ANKRD27: variants seen among roughly 807,000 people sequenced by gnomAD.
The protein encoded by ANKRD27 is ankyrin repeat domain 27.
Under a neutral mutation model 129.7 loss-of-function variants are expected in ANKRD27, and 112 were observed. That is an observed-to-expected ratio of 0.86 (90% CI 0.74 to 1.01). The LOEUF is 1.01. Among genes scored for constraint, ANKRD27 ranks in the 50% least tolerant of loss-of-function variants. ANKRD27 has a pLI of 0.00. For synonymous variants in ANKRD27, 516 were observed against 511.2 expected, an observed-to-expected ratio of 1.01 and a Z score of -0.13; for missense variants, 1,258 against 1,300.5, an observed-to-expected ratio of 0.97 and a Z score of 0.50.
intron 22 of ANKRD27, among the ~76,000 whole-genome samples, chr19:32,614,439 C>G (rs1190742928): frequency 6.6e-6 from 1 of 151,996 alleles, no homozygotes; most frequent in Non-Finnish European, 1.5e-5. Flanking sequence ...CGCAGCGGCT[C>G]ACACCTGTAA....
At position 32,644,351 on chromosome 19, in the gene ANKRD27, C is replaced by T. The variant is rs61741421; in HGVS notation, c.499G>A (p.Glu167Lys). The T allele has an allele frequency of 3.7e-6, 6 of 1,613,372 alleles. No individual in the cohort carries two copies. The highest frequency in any genetic ancestry group is 1.3e-5 in the African/African-American group (1 of 74,850). Residue 167 changes from glutamate to lysine, a missense_variant, in exon 5 of 29, where the codon GAG (glutamate) becomes AAG (lysine). Coordinates refer to ENST00000306065, the MANE Select transcript of ANKRD27 (RefSeq NM_032139.3). The stretch of plus-strand genomic sequence containing the variant: ...ATGTGGTGACGGAGGCTCTTTCTCT[C>T]GCATTCTCGGAATGTTCGATGGAAA... ...ASFHRTFREC[E>K]RKSLRHHIDS...
intron 27 of ANKRD27, 76 bp from the exon 28 acceptor site, chr19:32,599,852 C>G: frequency 6.5e-7 from 1 of 1,533,958 alleles, no homozygotes; most frequent in Admixed American, 1.8e-5. Flanking sequence ...AAGGTGGCAG[C>G]ATTTTTGACA....
chr19:32,599,875 G>A (rs1474061936), intron 27 of ANKRD27, 97 bp downstream of exon 27: 1 of 1,513,082 alleles, frequency 6.6e-7, no homozygotes, highest in Non-Finnish European at 9.1e-7. Context: ...AGTAGGTGCA[G>A]ATTTGTCCAT....
chr19:32,643,268 A>C lies in ANKRD27; in HGVS notation c.705+19T>G. On this transcript the variant is annotated intron_variant, in intron 8 of 28. Coordinates refer to ENST00000306065, the MANE Select transcript of ANKRD27 (RefSeq NM_032139.3). Reference sequence around the variant, plus strand: ...CAGAAGAAGGCTTCCATCTTGGGTGATAATAACTGAGAACCTACCTCACTT... The same window carrying C: ...CAGAAGAAGGCTTCCATCTTGGGTGCTAATAACTGAGAACCTACCTCACTT... The C allele has an allele frequency of 6.2e-7, 1 of 1,614,112 alleles. No individual in the cohort carries two copies. The highest frequency in any genetic ancestry group is 8.5e-7 in the Non-Finnish European group (1 of 1,180,016).
intron 4 of ANKRD27, 111 bp downstream of exon 4, chr19:32,646,348 C>T (rs1319387597): frequency 7.3e-6 from 8 of 1,098,640 alleles, no homozygotes; most frequent in Middle Eastern, 5.0e-4. Context: ...GGATTACAGG[C>T]GCGAGCCACC....
chr19:32,671,740 T>G (rs2145332193), intron 1 of ANKRD27, among the ~76,000 whole-genome samples: 1 of 152,304 alleles, frequency 6.6e-6, no homozygotes, highest in East Asian at 1.9e-4. Flanking sequence ...TAAAATAACA[T>G]GCAAAGAAAA....
intron 1 of ANKRD27, among the ~76,000 whole-genome samples, chr19:32,662,972 G>A (rs551402270): frequency 6.6e-6 from 1 of 152,278 alleles, no homozygotes; most frequent in South Asian, 2.1e-4. Flanking sequence ...AACCCAGGAG[G>A]CAGAGGTTGC....
chr19:32,657,838 G>A (rs1967571534), intron 2 of ANKRD27, among the ~76,000 whole-genome samples: 1 of 151,812 alleles, frequency 6.6e-6, no homozygotes, highest in Non-Finnish European at 1.5e-5. Context: ...AGCTGGACGT[G>A]GTTGCACACA....
intron 23 of ANKRD27, among the ~76,000 whole-genome samples, chr19:32,607,144 TAAAAAAAA>T (rs34734065): frequency 1.1e-5 from 1 of 94,360 alleles, no homozygotes; most frequent in East Asian, 3.6e-4. Context: ...GGTGATGTCT[TAAAAAAAA>T]AAAAAAAAAA....
At chr19:32,620,404 C>CA (rs368500402) in intron 18 of ANKRD27, among the ~76,000 whole-genome samples, 99 of 143,710 alleles carry the variant, frequency 6.9e-4, no homozygotes, top group Admixed American at 2.2e-3. Context: ...AATAAAAATA[C>CA]AAAAAAAAAA....
intron 23 of ANKRD27, among the ~76,000 whole-genome samples, chr19:32,607,263 T>C (rs947430563): frequency 6.6e-6 from 1 of 151,910 alleles, no homozygotes; most frequent in Non-Finnish European, 1.5e-5. Context: ...CTTTATGAAG[T>C]GCTGAACTGT....
intron 28 of ANKRD27, 152 bp from the exon 29 acceptor site, chr19:32,598,530 AACATGGCATGTGCATACT>A (rs1971604829): frequency 1.4e-6 from 1 of 692,314 alleles, no homozygotes; most frequent in Non-Finnish European, 2.5e-6. Context: ...CTGTCGTGGT[AACATGGCATGTGCATACT>A]ACATGTGTCA....
chr19:32,620,721 T>C (rs759022736), intron 18 of ANKRD27, among the ~76,000 whole-genome samples: 10 of 151,932 alleles, frequency 6.6e-5, no homozygotes, highest in South Asian at 2.1e-4. Context: ...ACTCCACCTG[T>C]ATAAAAAATA....
At position 32,640,381 on chromosome 19, in the gene ANKRD27, G is replaced by T. The variant is rs776050233; in HGVS notation, c.909C>A (p.Asn303Lys). Residue 303 changes from asparagine to lysine, a missense_variant, in exon 11 of 29, where the codon AAC becomes AAA. By Grantham distance (94) the Asn-to-Lys change is moderately conservative. Coordinates refer to ENST00000306065, the MANE Select transcript of ANKRD27 (RefSeq NM_032139.3). ...LITQSPSQRV[N>K]LETMCADDLL... ...GATCATCAGCACACATGGTCTCCAG[G>T]TTCACTGCAAAGGGGAAACACACAT... The T allele has an allele frequency of 3.7e-6, 6 of 1,613,828 alleles. No homozygotes were observed. The South Asian group carries it at 6.6e-5, about 18-fold the overall frequency.
At chr19:32,611,086 G>A (rs187204521) in intron 22 of ANKRD27, among the ~76,000 whole-genome samples, 16 of 152,328 alleles carry the variant, frequency 1.1e-4, no homozygotes, top group African/African-American at 3.6e-4. Flanking sequence ...GTTTAGTGGT[G>A]TGTCTTTTTG....
intron 27 of ANKRD27, 96 bp from the exon 28 acceptor site, chr19:32,599,872 G>C: frequency 6.6e-7 from 1 of 1,510,480 alleles, no homozygotes; most frequent in Admixed American, 1.8e-5. Context: ...ATTAGTAGGT[G>C]CAGATTTGTC....
At position 32,638,844 on chromosome 19, in the gene ANKRD27, C is replaced by T. The variant is rs144916584; in HGVS notation, c.1116+512G>A. On this transcript the variant is annotated intron_variant, in intron 12 of 28. Coordinates refer to ENST00000306065, the MANE Select transcript of ANKRD27 (RefSeq NM_032139.3). The stretch of plus-strand genomic sequence containing the variant: ...ACCCTGCACTTGCTCACATACCCCT[C>T]GCCACTCCACACCTGGCTCGCCCTT... The T allele has an allele frequency of 2.3e-3, 400 of 175,278 alleles. 1 individual carries two copies. The highest frequency in any genetic ancestry group is 8.6e-3 in the African/African-American group (362 of 42,310). The allele number at this position is 175,278 out of a possible 1,614,324, so 10.9% of individuals were successfully genotyped here.
chr19:32,599,668 G>GA, intron 28 of ANKRD27, 36 bp downstream of exon 28: 2 of 1,581,180 alleles, frequency 1.3e-6, no homozygotes, highest in Non-Finnish European at 1.7e-6. Flanking sequence ...CCGGGCTTTA[G>GA]AAAATATGAT....
intron 26 of ANKRD27, among the ~76,000 whole-genome samples, chr19:32,600,899 G>A (rs1183300449): frequency 1.3e-5 from 2 of 151,904 alleles, no homozygotes; most frequent in African/African-American, 4.8e-5. Context: ...AGTAGAACAA[G>A]GACCCCTTCT....
Sources: gnomAD v4.1 joint callset for allele counts (sites outside exome capture counted in the v4.1 genomes callset) on GRCh38, gnomAD v4.1.1 for gene constraint, MANE v1.5 for transcripts, NCBI Gene and HGNC (gene_info 2026-07-23, HGNC 2026-07-21) for gene names.